RAPGEF2: variants seen among roughly 807,000 people sequenced by gnomAD.
RAPGEF2 encodes the protein PDZ domain containing guanine nucleotide exchange factor (GEF) 1.
A neutral mutation model predicts 186.7 loss-of-function variants in RAPGEF2; 54 were observed. The observed-to-expected ratio is 0.29, with a 90% confidence interval of 0.23 to 0.36. The LOEUF is 0.36. Ranked by LOEUF, RAPGEF2 falls within the 10% of genes least tolerant of loss-of-function variation. RAPGEF2 has a pLI of 1.00. For missense variants in RAPGEF2, 1,532 were observed against 2,045.0 expected (o/e 0.75, Z 4.84); for synonymous variants, 712 against 705.9 (o/e 1.01, Z -0.14).
At chr4:159,163,667 G>T (rs1744957502) in intron 1 of RAPGEF2, among the ~76,000 whole-genome samples, 1 of 152,284 alleles carries the variant, frequency 6.6e-6, no homozygotes, top group Non-Finnish European at 1.5e-5. Flanking sequence ...TTTTTGGTAA[G>T]CATAAAAATC....
intron 1 of RAPGEF2, among the ~76,000 whole-genome samples, chr4:159,128,413 G>A (rs754063916): frequency 3.3e-5 from 5 of 152,008 alleles, no homozygotes; most frequent in African/African-American, 7.2e-5. Context: ...AAAGTACTTC[G>A]CAATGGAAAA....
At chr4:159,121,459 T>A (rs1012695232) in intron 1 of RAPGEF2, among the ~76,000 whole-genome samples, 2 of 151,960 alleles carry the variant, frequency 1.3e-5, no homozygotes, top group Admixed American at 1.3e-4. Flanking sequence ...CTCAATCTCT[T>A]GGACTCAAGC....
At chr4:159,138,048 A>G (rs1437321372) in intron 1 of RAPGEF2, among the ~76,000 whole-genome samples, 1 of 152,214 alleles carries the variant, frequency 6.6e-6, no homozygotes, top group African/African-American at 2.4e-5. Context: ...CTGAATTACT[A>G]ATTAGTATAA....
chr4:159,312,394 G>A (rs1764055389), intron 8 of RAPGEF2, among the ~76,000 whole-genome samples: 1 of 152,076 alleles, frequency 6.6e-6, no homozygotes, highest in Non-Finnish European at 1.5e-5. Flanking sequence ...TGTATTTCTA[G>A]ACTTCAGGGT....
chr4:159,193,762 A>C (rs980693610), intron 3 of RAPGEF2, among the ~76,000 whole-genome samples: 4 of 152,264 alleles, frequency 2.6e-5, no homozygotes, highest in African/African-American at 7.2e-5. Flanking sequence ...TTCTTAAAGA[A>C]TATATAGTAG....
chr4:159,328,633 AAAT>A (rs1766254565), intron 11 of RAPGEF2: 1 of 152,210 alleles, frequency 6.6e-6, no homozygotes, highest in Admixed American at 6.5e-5. Flanking sequence ...CATTGCTCAG[AAAT>A]AATATTAACA....
At chr4:159,153,230 T>A (rs1165851709) in intron 1 of RAPGEF2, among the ~76,000 whole-genome samples, 2 of 152,188 alleles carry the variant, frequency 1.3e-5, no homozygotes, top group African/African-American at 2.4e-5. Context: ...ATTGCCTGAT[T>A]TAGTGGTTCC....
chr4:159,240,815 T>G (rs906045115), intron 5 of RAPGEF2, among the ~76,000 whole-genome samples: 12 of 151,332 alleles, frequency 7.9e-5, no homozygotes, highest in South Asian at 2.1e-4. Context: ...GGGTTTTTTT[T>G]TTTTTTTTTT....
At chr4:159,219,318 ACTACAAG>A (rs11276939) in intron 4 of RAPGEF2, among the ~76,000 whole-genome samples, 92,827 of 146,406 alleles carry the variant, frequency 0.63, 30,107 homozygotes, top group African/African-American at 0.67. Context: ...AAACCTAATC[ACTACAAG>A]GGATAGTGTC....
At chr4:159,262,721 C>T (rs926729098) in intron 7 of RAPGEF2, among the ~76,000 whole-genome samples, 11 of 152,162 alleles carry the variant, frequency 7.2e-5, no homozygotes, top group Non-Finnish European at 1.0e-4. Context: ...GTGAATGTTT[C>T]TTATAGATAG....
At chr4:159,248,065 A>G (rs1383779941) in intron 7 of RAPGEF2, among the ~76,000 whole-genome samples, 2 of 152,168 alleles carry the variant, frequency 1.3e-5, no homozygotes, top group East Asian at 3.9e-4. Context: ...CCCGGCCGAA[A>G]TAATTTATGT....
chr4:159,111,444 GT>G (rs1334912377), intron 1 of RAPGEF2, among the ~76,000 whole-genome samples: 1 of 152,216 alleles, frequency 6.6e-6, no homozygotes, highest in African/African-American at 2.4e-5. Context: ...GCCATTTGCA[GT>G]TTAGTTGACA....
chr4:159,330,331 C>G lies in RAPGEF2; in HGVS notation c.1303-3C>G. 1 of 1,470,624 alleles carries G rather than the reference C, an allele frequency of 6.8e-7. No homozygotes were observed. Among genetic ancestry groups the G allele is most frequent in the East Asian group, 2.3e-5 (1 of 43,960 alleles). 91.1% of individuals were successfully genotyped at this position (1,470,624 alleles called of 1,614,324 possible). On this transcript the variant is annotated splice_polypyrimidine_tract_variant and splice_region_variant and intron_variant, in intron 12 of 29. Coordinates refer to ENST00000691494, the MANE Select transcript of RAPGEF2 (RefSeq NM_001394067.2). ...TAGTAATTAAACCTTTTCTTTGTTA[C>G]AGGGTACCTCAGAAAGGTTAACAAT... is the stretch of plus-strand genomic sequence containing the variant.
chr4:159,301,207 T>G (rs1227510877), intron 7 of RAPGEF2, among the ~76,000 whole-genome samples: 2 of 151,970 alleles, frequency 1.3e-5, no homozygotes, highest in African/African-American at 4.8e-5. Context: ...AGCCTGTATC[T>G]GCTTAAAAAA....
chr4:159,154,624 A>G (rs1163691631), intron 1 of RAPGEF2, among the ~76,000 whole-genome samples: 1 of 151,812 alleles, frequency 6.6e-6, no homozygotes, highest in Non-Finnish European at 1.5e-5. Flanking sequence ...TAGCTATGTT[A>G]TTGTGCTGAT....
chr4:159,265,548 G>A (rs948471530), intron 7 of RAPGEF2, among the ~76,000 whole-genome samples: 1 of 152,188 alleles, frequency 6.6e-6, no homozygotes, highest in Non-Finnish European at 1.5e-5. Context: ...CATGGTGTAA[G>A]TCTGGAAAAT....
chr4:159,114,991 A>G (rs969367474), intron 1 of RAPGEF2, among the ~76,000 whole-genome samples: 1 of 152,232 alleles, frequency 6.6e-6, no homozygotes, highest in Non-Finnish European at 1.5e-5. Flanking sequence ...TTAGTAGGAT[A>G]TAAAAAGAAA....
chr4:159,268,287 C>T, intron 7 of RAPGEF2: 2 of 1,279,952 alleles, frequency 1.6e-6, no homozygotes, highest in East Asian at 2.3e-5. Context: ...GGAATTGTTG[C>T]TCTTTCTCTT....
At chr4:159,283,415 G>A (rs1434871769) in intron 7 of RAPGEF2, among the ~76,000 whole-genome samples, 1 of 152,094 alleles carries the variant, frequency 6.6e-6, no homozygotes, top group Non-Finnish European at 1.5e-5. Context: ...TTATCTGCAT[G>A]GTGTGAAGCA....
Sources: allele counts gnomAD v4.1 joint callset (sites outside exome capture counted in the v4.1 genomes callset), GRCh38; gene constraint gnomAD v4.1.1; transcripts MANE v1.5; gene names NCBI Gene and HGNC (gene_info 2026-07-23, HGNC 2026-07-21).